The following SOCS4 variants were observed in gnomAD, a reference collection of about 807,000 sequenced individuals.
The protein encoded by SOCS4 is SH2 domain containing SOCS box protein.
SOCS4 carries 20 observed loss-of-function variants against 34.1 expected under a neutral mutation model. The observed-to-expected ratio is 0.59, with a 90% CI of 0.41 to 0.85. The LOEUF (loss-of-function observed/expected upper bound fraction) is 0.85. SOCS4 is among the 40% of genes least tolerant of loss of function. The pLI, the probability that SOCS4 is intolerant of heterozygous loss-of-function variation, is 0.00. For missense variants in SOCS4, 479 were observed against 532.4 expected (o/e 0.90, Z 0.99); for synonymous variants, 180 against 186.4 (o/e 0.97, Z 0.28).
chr14:55,043,607 C>T lies in SOCS4; in HGVS notation c.566C>T (p.Ser189Leu). 6.2e-7 allele frequency: 1 copy of T among 1,614,158 alleles called. No individual in the cohort carries two copies. The highest frequency in any genetic ancestry group is 8.5e-7 in the Non-Finnish European group (1 of 1,180,026). The change falls in exon 3 of 3, where the codon TCA (serine) becomes TTA (leucine). Residue 189 changes from serine (S) to leucine (L), a missense_variant. By Grantham distance (145) the Ser-to-Leu change is moderately radical. Transcript: ENST00000555846. ...RNMEENINCF[S>L]HTNVQPCVIT... Reference sequence around the variant, plus strand: ...ATGGAAGAAAATATAAACTGTTTCTCACATACCAATGTTCAGCCCTGTGTC... The same window carrying T: ...ATGGAAGAAAATATAAACTGTTTCTTACATACCAATGTTCAGCCCTGTGTC...
At position 55,045,395 on chromosome 14, in the gene SOCS4, A is replaced by G. The variant is rs1169438339; in HGVS notation, c.*1031A>G. 2 of 166,986 alleles carry G rather than the reference A, an allele frequency of 1.2e-5. No individual in the cohort carries two copies. Among genetic ancestry groups the G allele is most frequent in the African/African-American group, 4.8e-5 (2 of 41,458 alleles). The allele number at this position is 166,986 out of a possible 1,614,324, so 10.3% of individuals were successfully genotyped here. A position where few individuals can be genotyped will look rare whatever the true frequency, so the allele number is the denominator to read the frequency against. ...TTTTCATTATTTTAAGTTGAATTTG[A>G]ATAAAGATTCCAGAAATAAACATGG... is the stretch of plus-strand genomic sequence containing the variant. On this transcript the variant is annotated 3_prime_UTR_variant, in exon 3 of 3. Transcript: ENST00000555846.
chr14:55,044,309 A>G lies in SOCS4; in HGVS notation c.1268A>G (p.His423Arg). The G allele has an allele frequency of 1.2e-6, 2 of 1,613,626 alleles. No homozygotes were observed. The highest frequency in any genetic ancestry group is 1.7e-6 in the Non-Finnish European group (2 of 1,179,684). The change falls in exon 3 of 3, where the codon CAT (histidine) becomes CGT (arginine). Residue 423 changes from histidine to arginine, a missense_variant. Physicochemically the swap from His to Arg is conservative, Grantham distance 29. Transcript: ENST00000555846. ...ATGAAATTATATCTGAAGGAATATCATTATAAATCAAAAGTTAGAGTACTC... is the reference window on the plus strand; with the variant it reads ...ATGAAATTATATCTGAAGGAATATCGTTATAAATCAAAAGTTAGAGTACTC... Reference protein sequence around the residue: ...SSMKLYLKEYHYKSKVRVLRI... With the variant: ...SSMKLYLKEYRYKSKVRVLRI...
At chr14:55,034,191 G>C (rs1328979224) in intron 2 of SOCS4, among the ~76,000 whole-genome samples, 1 of 152,068 alleles carries the variant, frequency 6.6e-6, no homozygotes, top group Non-Finnish European at 1.5e-5. Flanking sequence ...AAATGGAGAG[G>C]GCTGGCTGCC....
At chr14:55,033,552 T>C (rs899950122) in intron 2 of SOCS4, among the ~76,000 whole-genome samples, 20 of 152,224 alleles carry the variant, frequency 1.3e-4, no homozygotes, top group African/African-American at 4.8e-4. Context: ...TGCCGAAAAG[T>C]GAATGATTAA....
At chr14:55,033,684 C>G (rs2042547785) in intron 2 of SOCS4, among the ~76,000 whole-genome samples, 1 of 152,194 alleles carries the variant, frequency 6.6e-6, no homozygotes, top group Non-Finnish European at 1.5e-5. Context: ...ATGCACAACT[C>G]CTCTTAAAAG....
chr14:55,044,606 A>T lies in SOCS4; in HGVS notation c.*242A>T, dbSNP rs148706048. ...TTTTTGTTTTTACCGTGTAGGTTGTATACTTACATTTTTTCTTTCCTTAAT... is the reference window on the plus strand; with the variant it reads ...TTTTTGTTTTTACCGTGTAGGTTGTTTACTTACATTTTTTCTTTCCTTAAT... On this transcript the variant is annotated 3_prime_UTR_variant, in exon 3 of 3. Coordinates refer to ENST00000555846, the MANE Select transcript of SOCS4 (RefSeq NM_199421.2). 1 of 214,274 alleles carries T rather than the reference A, an allele frequency of 4.7e-6. No individual in the cohort carries two copies. Among genetic ancestry groups the T allele is most frequent in the East Asian group, 1.1e-4 (1 of 9,170 alleles). The allele number at this position is 214,274 out of a possible 1,614,324, so 13.3% of individuals were successfully genotyped here.
At chr14:55,033,610 G>C (rs958453937) in intron 2 of SOCS4, among the ~76,000 whole-genome samples, 1 of 152,174 alleles carries the variant, frequency 6.6e-6, no homozygotes, top group Non-Finnish European at 1.5e-5. Context: ...TAGCTTCTGA[G>C]AGCCACTTGT....
intron 1 of SOCS4, among the ~76,000 whole-genome samples, chr14:55,031,067 CAT>C (rs1355623030): frequency 6.6e-6 from 1 of 152,024 alleles, no homozygotes; most frequent in Non-Finnish European, 1.5e-5. Flanking sequence ...ATACAATGAG[CAT>C]ATATTGTTTT....
chr14:55,045,763 G>A lies in SOCS4; in HGVS notation c.*1399G>A, dbSNP rs1487207876. ...AGCTGTCTAACCCTTTGTACACATTGACATTTTTAATATCGTAACTGATTT... is the reference window on the plus strand; with the variant it reads ...AGCTGTCTAACCCTTTGTACACATTAACATTTTTAATATCGTAACTGATTT... On this transcript the variant is annotated 3_prime_UTR_variant, in exon 3 of 3. Transcript: ENST00000555846. The A allele has an allele frequency of 2.4e-4, 40 of 166,826 alleles. 1 individual carries two copies. The allele number at this position is 166,826 out of a possible 1,614,324, so 10.3% of individuals were successfully genotyped here.
chr14:55,043,995 T>G lies in SOCS4; in HGVS notation c.954T>G (p.Tyr318Ter), dbSNP rs1391527324. ...TTCGAGACTCAGCACAGGAAGACTATTTATTCTCTGTTAGTTTTAGACGCT... is the reference window on the plus strand; with the variant it reads ...TTCGAGACTCAGCACAGGAAGACTAGTTATTCTCTGTTAGTTTTAGACGCT... ...FLLRDSAQED[Y>*]LFSVSFRRYS... The change falls in exon 3 of 3, where the codon TAT (tyrosine) becomes TAG (stop). Residue 318 changes from tyrosine to a stop codon, truncating the protein, a stop_gained. Coordinates refer to ENST00000555846, the MANE Select transcript of SOCS4 (RefSeq NM_199421.2). LOFTEE classifies it high-confidence loss of function. 1.2e-6 allele frequency: 2 copies of G among 1,614,154 alleles called. No individual in the cohort carries two copies. Among genetic ancestry groups the G allele is most frequent in the Non-Finnish European group, 1.7e-6 (2 of 1,180,004 alleles).
intron 2 of SOCS4, among the ~76,000 whole-genome samples, chr14:55,039,184 C>T (rs974479999): frequency 3.3e-5 from 5 of 152,182 alleles, no homozygotes; most frequent in Non-Finnish European, 7.3e-5. Flanking sequence ...GGGCTGGGCT[C>T]AGTGGCTCAT....
chr14:55,031,011 CT>C (rs1294747552), intron 1 of SOCS4, among the ~76,000 whole-genome samples: 1 of 152,158 alleles, frequency 6.6e-6, no homozygotes, highest in East Asian at 1.9e-4. Context: ...GGAATTATAG[CT>C]TTTTTCCCCC....
rs539487513 is a variant in SOCS4 at position 55,048,712 on chromosome 14, CAA to C, written c.*4350_*4351del. Reference sequence around the variant, plus strand: ...ATAGAAAGGGATTTTCAAATAAAACCAAAGTCTATTTTTTTATTTACTTTCTA... The same window carrying C: ...ATAGAAAGGGATTTTCAAATAAAACCAGTCTATTTTTTTATTTACTTTCTA... On this transcript the variant is annotated 3_prime_UTR_variant, in exon 3 of 3. Transcript: ENST00000555846. The C allele has an allele frequency of 5.7e-4, 95 of 167,064 alleles. 1 individual carries two copies. Among genetic ancestry groups the C allele is most frequent in the African/African-American group, 2.2e-3 (90 of 41,524 alleles). 10.3% of individuals were successfully genotyped at this position (167,064 alleles called of 1,614,324 possible).
chr14:55,033,423 A>G (rs1293860215), intron 2 of SOCS4, among the ~76,000 whole-genome samples: 3 of 152,150 alleles, frequency 2.0e-5, no homozygotes, highest in African/African-American at 7.2e-5. Context: ...ATTTTTTTGT[A>G]ACAGAATCAA....
chr14:55,043,116 C>T lies in SOCS4; in HGVS notation c.75C>T (p.Asp25=), dbSNP rs2042634511. The change falls in exon 3 of 3, where the codon GAC becomes GAT. Residue 25 remains aspartate (D), a synonymous_variant. Coordinates refer to ENST00000555846, the MANE Select transcript of SOCS4 (RefSeq NM_199421.2). ...RPKTSRSRSA[D]RKDGYVWSGK... is the part of the protein sequence containing the mutation. Reference sequence around the variant, plus strand: ...AAACTAGTCGGAGCAGAAGTGCCGACAGAAAAGACGGTTATGTGTGGAGTG... The same window carrying T: ...AAACTAGTCGGAGCAGAAGTGCCGATAGAAAAGACGGTTATGTGTGGAGTG... The T allele has an allele frequency of 2.5e-6, 4 of 1,614,050 alleles. No individual in the cohort carries two copies. The highest frequency in any genetic ancestry group is 3.4e-6 in the Non-Finnish European group (4 of 1,180,022).
At chr14:55,037,093 G>A (rs1486961203) in intron 2 of SOCS4, among the ~76,000 whole-genome samples, 1 of 151,876 alleles carries the variant, frequency 6.6e-6, no homozygotes, top group Non-Finnish European at 1.5e-5. Context: ...ACTCCAGCCT[G>A]GGTGACAAAG....
At chr14:55,040,461 T>C (rs112185488) in intron 2 of SOCS4, among the ~76,000 whole-genome samples, 5,726 of 152,274 alleles carry the variant, frequency 0.038, 141 homozygotes, top group South Asian at 0.062. Context: ...AGAGTTATTA[T>C]AGGCCGGGCG....
Position 55,044,248 on chromosome 14 carries a change from TATG to T in SOCS4, c.1211_1213del (p.Asp404del). On this transcript the variant is annotated inframe_deletion, in exon 3 of 3. Coordinates refer to ENST00000555846, the MANE Select transcript of SOCS4 (RefSeq NM_199421.2). ...AACAGTTATTTGTAACTGTACAACT[TATG>T]ATGGCATCGATGCCCTTCCAATTCC... The T allele has an allele frequency of 6.2e-7, 1 of 1,614,094 alleles. No individual in the cohort carries two copies. The highest frequency in any genetic ancestry group is 8.5e-7 in the Non-Finnish European group (1 of 1,179,952).
Position 55,043,372 on chromosome 14 carries a change from C to T in SOCS4, c.331C>T (p.Arg111Trp), listed in dbSNP as rs753346742. 26 of 1,614,040 alleles carry T rather than the reference C, an allele frequency of 1.6e-5. No homozygotes were observed. The highest frequency in any genetic ancestry group is 4.5e-5 in the East Asian group (2 of 44,900). ...QCFPIKNCSS[R>W]HSSGLPSKRK... ...TTTTCCAATAAAGAATTGTAGTAGT[C>T]GGCACTCTTCAGGGCTTCCGTCTAA... Residue 111 changes from arginine to tryptophan, a missense_variant, in exon 3 of 3, where the codon CGG becomes TGG. Coordinates refer to ENST00000555846, the MANE Select transcript of SOCS4 (RefSeq NM_199421.2).
Sources: allele counts gnomAD v4.1 joint callset (sites outside exome capture counted in the v4.1 genomes callset), GRCh38; gene constraint gnomAD v4.1.1; transcripts MANE v1.5; gene names NCBI Gene and HGNC (gene_info 2026-07-23, HGNC 2026-07-21).